LRRC42: variants seen among roughly 807,000 people sequenced by gnomAD.
The protein encoded by LRRC42 is leucine rich repeat containing 42, also known as leucine-rich repeat-containing protein 42.
In LRRC42, 43 loss-of-function variants were observed where a neutral mutation model predicts 44.3. That is an observed-to-expected ratio of 0.97 (90% CI 0.76 to 1.25). LRRC42 has a LOEUF of 1.25. Among genes scored for constraint, LRRC42 ranks in the 50% most tolerant of loss-of-function variants. LRRC42 has a pLI of 0.00. For synonymous variants in LRRC42, 207 were observed against 195.2 expected, an observed-to-expected ratio of 1.06 and a Z score of -0.50; for missense variants, 540 against 509.1, an observed-to-expected ratio of 1.06 and a Z score of -0.58.
intron 8 of LRRC42, among the ~76,000 whole-genome samples, chr1:53,966,800 T>C (rs182749123): frequency 1.7e-4 from 26 of 152,272 alleles, no homozygotes; most frequent in African/African-American, 6.3e-4. Context: ...TGGATGAGCC[T>C]GCAAGATGTT....
Position 53,967,847 on chromosome 1 carries a change from T to G in LRRC42, c.1195T>G (p.Ser399Ala), listed in dbSNP as rs763260094. 2 of 1,613,896 alleles carry G rather than the reference T, an allele frequency of 1.2e-6. No individual in the cohort carries two copies. The highest frequency in any genetic ancestry group is 1.7e-6 in the Non-Finnish European group (2 of 1,179,994). ...KKSKKRPFEE[S>A]ETEQNNSSQP... is the part of the protein sequence containing the mutation. ...GAGCAAGAAGAGACCTTTTGAGGAG[T>G]CAGAGACAGAACAGAATAACTCTTC... Residue 399 changes from serine (S) to alanine (A), a missense_variant, in exon 9 of 9, where the codon TCA becomes GCA. Coordinates refer to ENST00000371370, the MANE Select transcript of LRRC42 (RefSeq NM_001256409.2).
At chr1:53,957,414 G>A (rs1462816754) in intron 3 of LRRC42, among the ~76,000 whole-genome samples, 1 of 152,218 alleles carries the variant, frequency 6.6e-6, no homozygotes, top group African/African-American at 2.4e-5. Flanking sequence ...AAAGCAGGGT[G>A]GAGGCCCCAG....
chr1:53,952,320 T>C lies in LRRC42; in HGVS notation c.321T>C (p.Leu107=), dbSNP rs762710803. ...ACAATGTGGATCACATTGATTCCCT[T>C]ATTGGCTTTCCTGAGCAGATTGCTG... ...ISDNVDHIDS[L]IGFPEQIAEK... The change falls in exon 3 of 9, where the codon CTT becomes CTC. Residue 107 remains leucine, a synonymous_variant. Coordinates refer to ENST00000371370, the MANE Select transcript of LRRC42 (RefSeq NM_001256409.2). 4 of 1,614,110 alleles carry C rather than the reference T, an allele frequency of 2.5e-6. No individual in the cohort carries two copies. The South Asian group carries it at 4.4e-5, about 18-fold the overall frequency.
chr1:53,962,404 G>C lies in LRRC42; in HGVS notation c.922G>C (p.Asp308His). Residue 308 changes from aspartate (D) to histidine (H), a missense_variant, in exon 7 of 9, where the codon GAC (aspartate) becomes CAC (histidine). By Grantham distance (81) the Asp-to-His change is moderately conservative. Coordinates refer to ENST00000371370, the MANE Select transcript of LRRC42 (RefSeq NM_001256409.2). ...HSNCKTEGWA[D>H]QIVLQWERVT... Reference sequence around the variant, plus strand: ...TAACTGCAAGACAGAGGGCTGGGCTGACCAGGTACTCCAGATTTTTCTTCC... The same window carrying C: ...TAACTGCAAGACAGAGGGCTGGGCTCACCAGGTACTCCAGATTTTTCTTCC... 1 of 1,604,214 alleles carries C rather than the reference G, an allele frequency of 6.2e-7. No homozygotes were observed. Among genetic ancestry groups the C allele is most frequent in the Non-Finnish European group, 8.5e-7 (1 of 1,171,140 alleles).
rs1028935413 is a variant in LRRC42, at chr1:53,968,164, C to G, written c.*225C>G. The G allele has an allele frequency of 6.4e-6, 3 of 465,530 alleles. No homozygotes were observed. The highest frequency in any genetic ancestry group is 1.2e-5 in the Non-Finnish European group (3 of 259,534). The allele number at this position is 465,530 out of a possible 1,614,324, so 28.8% of individuals were successfully genotyped here. ...TTTTCAAATAAACATTTTTGCTGTC[C>G]TTAAGTTCTGCTTGTGGATTATAGA... On this transcript the variant is annotated 3_prime_UTR_variant, in exon 9 of 9. Transcript: ENST00000371370.
intron 4 of LRRC42, 61 bp downstream of exon 4, chr1:53,958,341 A>C: frequency 6.9e-6 from 11 of 1,591,712 alleles, no homozygotes; most frequent in Non-Finnish European, 9.5e-6. Flanking sequence ...GGCTGATCCA[A>C]CAGGATTATC....
At position 53,952,094 on chromosome 1, in the gene LRRC42, A is replaced by G; in HGVS notation, c.95A>G (p.Asp32Gly). 6.2e-7 allele frequency: 1 copy of G among 1,614,228 alleles called. No homozygotes were observed. Among genetic ancestry groups the G allele is most frequent in the Non-Finnish European group, 8.5e-7 (1 of 1,180,036 alleles). ...GQLHMVNLAL[D>G]GVRSSLQKPR... is the part of the protein sequence containing the mutation. Reference sequence around the variant, plus strand: ...CTGCACATGGTCAATCTGGCTCTGGATGGTGTCAGGAGTAGCCTGCAGAAG... The same window carrying G: ...CTGCACATGGTCAATCTGGCTCTGGGTGGTGTCAGGAGTAGCCTGCAGAAG... The change falls in exon 3 of 9, where the codon GAT becomes GGT. Residue 32 changes from aspartate to glycine, a missense_variant. Transcript: ENST00000371370.
intron 2 of LRRC42, 23 bp from the exon 3 acceptor site, chr1:53,951,963 T>C: frequency 2.0e-5 from 31 of 1,552,944 alleles, no homozygotes; most frequent in Non-Finnish European, 2.6e-5. Context: ...TTGGATTTGC[T>C]TCCCTGTGCC....
At chr1:53,964,995 A>ATTTTTTTTTTTTTTTTT (rs1557649612) in intron 7 of LRRC42, among the ~76,000 whole-genome samples, 4 of 137,652 alleles carry the variant, frequency 2.9e-5, no homozygotes, top group African/African-American at 6.1e-5. Flanking sequence ...CTGGAACTGT[A>ATTTTTTTTTTTTTTTTT]TTGTTTTTTT....
rs202087838 is a variant in LRRC42 at position 53,967,721 on chromosome 1, A to G, written c.1069A>G (p.Met357Val). ...GAAGTGTCCCCTGGCAGACACCCAC[A>G]TGAACTCTTCCGAGAAACTCCAGTT... ...PLKCPLADTHMNSSEKLQFYK... is the reference protein window; with the variant it reads ...PLKCPLADTHVNSSEKLQFYK... The change falls in exon 9 of 9, where the codon ATG (methionine) becomes GTG (valine). Residue 357 changes from methionine (M) to valine (V), a missense_variant. Coordinates refer to ENST00000371370, the MANE Select transcript of LRRC42 (RefSeq NM_001256409.2). The G allele has an allele frequency of 6.8e-6, 11 of 1,614,162 alleles. No homozygotes were observed. In the East Asian group the frequency reaches 1.6e-4, roughly 23 times the overall value.
intron 8 of LRRC42, 97 bp downstream of exon 8, chr1:53,966,477 G>A (rs1655131854): frequency 1.3e-6 from 1 of 789,494 alleles, no homozygotes; most frequent in Non-Finnish European, 2.2e-6. Context: ...AATTATGATA[G>A]TATTGGCTTA....
At chr1:53,947,845 T>C (rs1654562649) in intron 2 of LRRC42, 24 bp downstream of exon 2, 1 of 151,972 alleles carries the variant, frequency 6.6e-6, no homozygotes, top group Non-Finnish European at 1.5e-5. Flanking sequence ...ATTTTTCACA[T>C]TTTTTTTATC....
intron 1 of LRRC42, among the ~76,000 whole-genome samples, chr1:53,947,161 G>A (rs1168133288): frequency 6.6e-6 from 1 of 151,938 alleles, no homozygotes; most frequent in African/African-American, 2.4e-5. Flanking sequence ...TTGGGAGATC[G>A]GAGGTTGGAA....
chr1:53,966,483 G>A, intron 8 of LRRC42, 103 bp downstream of exon 8: 1 of 747,096 alleles, frequency 1.3e-6, no homozygotes, highest in Non-Finnish European at 2.4e-6. Flanking sequence ...GATAGTATTG[G>A]CTTATTTATG....
At chr1:53,966,449 T>C in intron 8 of LRRC42, 69 bp downstream of exon 8, 1 of 1,088,002 alleles carries the variant, frequency 9.2e-7, no homozygotes, top group Non-Finnish European at 1.4e-6. Context: ...TCGCTTGTTT[T>C]CCCTCCTTGG....
chr1:53,955,681 T>G (rs1654817371), intron 3 of LRRC42, among the ~76,000 whole-genome samples: 2 of 147,010 alleles, frequency 1.4e-5, no homozygotes, highest in Non-Finnish European at 1.5e-5. Flanking sequence ...CAGGCTGGAG[T>G]GCAGTGGCTC....
intron 3 of LRRC42, among the ~76,000 whole-genome samples, chr1:53,956,850 T>A (rs1280243384): frequency 1.3e-5 from 2 of 152,228 alleles, no homozygotes; most frequent in Non-Finnish European, 2.9e-5. Context: ...TTTTCCTTTC[T>A]CTGATTGCCA....
rs759486491 is a variant in LRRC42, at chr1:53,958,224, C to G, written c.549C>G (p.Cys183Trp). 6 of 1,613,750 alleles carry G rather than the reference C, an allele frequency of 3.7e-6. No individual in the cohort carries two copies. The highest frequency in any genetic ancestry group is 4.2e-6 in the Non-Finnish European group (5 of 1,179,822). Residue 183 changes from cysteine to tryptophan, a missense_variant, in exon 4 of 9, where the codon TGC becomes TGG. Physicochemically the swap from Cys to Trp is radical, Grantham distance 215. Coordinates refer to ENST00000371370, the MANE Select transcript of LRRC42 (RefSeq NM_001256409.2). ...RELTCLDLSCCKLGDEHELLE... is the reference protein window; with the variant it reads ...RELTCLDLSCWKLGDEHELLE... ...TGACCTGCCTGGATCTTTCCTGTTG[C>G]AAGCTTGGAGATGAGCATGAACTTC... is the stretch of plus-strand genomic sequence containing the variant.
At chr1:53,960,716 G>C (rs1388528819) in intron 5 of LRRC42, among the ~76,000 whole-genome samples, 1 of 152,108 alleles carries the variant, frequency 6.6e-6, no homozygotes, top group African/African-American at 2.4e-5. Flanking sequence ...CATGCCACTC[G>C]CTGTGTGCAA....
Sources: gnomAD v4.1 joint callset for allele counts (sites outside exome capture counted in the v4.1 genomes callset) on GRCh38, gnomAD v4.1.1 for gene constraint, MANE v1.5 for transcripts, NCBI Gene and HGNC (gene_info 2026-07-23, HGNC 2026-07-21) for gene names.